The following ZNF385D variants were observed in gnomAD, a reference collection of about 807,000 sequenced individuals.
ZNF385D encodes zinc finger protein 385D.
Under a neutral mutation model 35.8 loss-of-function variants are expected in ZNF385D, and 15 were observed. The ratio of observed to expected loss-of-function variants is 0.42; its 90% CI spans 0.28 to 0.64. ZNF385D has a LOEUF of 0.64. Ranked by LOEUF, ZNF385D falls within the 30% of genes least tolerant of loss-of-function variation. ZNF385D has a pLI of 0.23. For synonymous variants in ZNF385D, 212 were observed against 186.8 expected, an observed-to-expected ratio of 1.13 and a Z score of -1.10; for missense variants, 474 against 494.6, an observed-to-expected ratio of 0.96 and a Z score of 0.39.
intron 3 of ZNF385D, among the ~76,000 whole-genome samples, chr3:21,882,611 G>A (rs1414983400): frequency 1.3e-5 from 2 of 151,892 alleles, no homozygotes; most frequent in African/African-American, 2.4e-5. Flanking sequence ...CAGAAGCTTG[G>A]GAAACATCCC....
chr3:21,999,770 CAA>C (rs577860632), intron 3 of ZNF385D, among the ~76,000 whole-genome samples: 2 of 49,266 alleles, frequency 4.1e-5, no homozygotes, highest in Admixed American at 1.5e-4. Context: ...CCCAGTCAGG[CAA>C]AAAAAAAAAA....
chr3:21,762,982 C>T (rs1273411392), intron 3 of ZNF385D, among the ~76,000 whole-genome samples: 1 of 152,170 alleles, frequency 6.6e-6, no homozygotes, highest in Admixed American at 6.5e-5. Context: ...GCATGCTAAT[C>T]TCCATCAGTG....
intron 3 of ZNF385D, among the ~76,000 whole-genome samples, chr3:21,822,366 C>T (rs1694309631): frequency 6.6e-6 from 1 of 152,144 alleles, no homozygotes; most frequent in Admixed American, 6.6e-5. Flanking sequence ...ATCACCGCGC[C>T]CAGCCTGGCT....
Position 22,305,640 on chromosome 3 carries a change from A to T in ZNF385D, c.106+66810T>A, listed in dbSNP as rs548888515. ...AACTCTTAAGAACTTGTGCCCAGAG[A>T]TGATAGAGATGATGCATGTCACTGC... On this transcript the variant is annotated intron_variant, in intron 2 of 5. Transcript: ENST00000494108. Among the ~76,000 whole-genome samples, 4 of 152,266 alleles carry T rather than the reference A, an allele frequency of 2.6e-5. No individual in the cohort carries two copies. The South Asian group carries it at 8.3e-4, about 32-fold the overall frequency.
intron 3 of ZNF385D, among the ~76,000 whole-genome samples, chr3:21,778,074 T>C (rs1379440746): frequency 6.6e-6 from 1 of 151,880 alleles, no homozygotes; most frequent in Non-Finnish European, 1.5e-5. Flanking sequence ...TAAACAGCAA[T>C]GGCAAACTAA....
chr3:21,609,140 AT>A (rs2064590426), intron 2 of ZNF385D, among the ~76,000 whole-genome samples: 1 of 152,198 alleles, frequency 6.6e-6, no homozygotes, highest in African/African-American at 2.4e-5. Context: ...CGAAGTAGGC[AT>A]TTTCAGAAGA....
At chr3:21,947,640 G>A (rs1388833374) in intron 3 of ZNF385D, among the ~76,000 whole-genome samples, 11 of 152,156 alleles carry the variant, frequency 7.2e-5, no homozygotes, top group Non-Finnish European at 1.5e-4. Flanking sequence ...GTGAGCCACC[G>A]CGCCCGGCTA....
chr3:21,801,718 C>T (rs1045801025), intron 3 of ZNF385D, among the ~76,000 whole-genome samples: 9 of 152,074 alleles, frequency 5.9e-5, no homozygotes, highest in African/African-American at 2.2e-4. Flanking sequence ...CCCTGGGTGC[C>T]CACAGAAACA....
At chr3:21,564,876 T>C (rs2063087544) in intron 2 of ZNF385D, among the ~76,000 whole-genome samples, 192 bp from the exon 3 acceptor site, 2 of 152,200 alleles carry the variant, frequency 1.3e-5, no homozygotes, top group Non-Finnish European at 2.9e-5. Context: ...CAAAGCTCAG[T>C]ATGATAAGGA....
intron 3 of ZNF385D, among the ~76,000 whole-genome samples, chr3:21,794,390 T>C (rs1300913252): frequency 6.6e-6 from 1 of 152,048 alleles, no homozygotes; most frequent in East Asian, 1.9e-4. Context: ...TGCCAGAGTG[T>C]CATTGAAACG....
At chr3:21,919,998 C>T (rs1372879275) in intron 3 of ZNF385D, among the ~76,000 whole-genome samples, 2 of 152,210 alleles carry the variant, frequency 1.3e-5, no homozygotes, top group Non-Finnish European at 2.9e-5. Flanking sequence ...GAATCATCAT[C>T]ACATTGCATT....
At chr3:21,565,289 G>C (rs1344984163) in intron 2 of ZNF385D, among the ~76,000 whole-genome samples, 2 of 152,008 alleles carry the variant, frequency 1.3e-5, no homozygotes, top group Non-Finnish European at 2.9e-5. Flanking sequence ...CAAGGGATTT[G>C]GGGCCAGATA....
rs1187359782 is a variant in ZNF385D, at chr3:21,419,429, A to G, written c.*1785T>C. The G allele has an allele frequency of 1.3e-5, 2 of 152,126 alleles. No homozygotes were observed. Among genetic ancestry groups the G allele is most frequent in the African/African-American group, 4.8e-5 (2 of 41,432 alleles). 9.4% of individuals were successfully genotyped at this position (152,126 alleles called of 1,614,324 possible). On this transcript the variant is annotated 3_prime_UTR_variant, in exon 8 of 8. Transcript: ENST00000281523. ...ATAAAATGATAAATGCTAAATACCTATGTCTCAAATGGTTTCCTCTTGATT... is the reference window on the plus strand; with the variant it reads ...ATAAAATGATAAATGCTAAATACCTGTGTCTCAAATGGTTTCCTCTTGATT...
At chr3:21,997,045 G>C (rs1407686826) in intron 3 of ZNF385D, among the ~76,000 whole-genome samples, 1 of 150,710 alleles carries the variant, frequency 6.6e-6, no homozygotes, top group Non-Finnish European at 1.5e-5. Context: ...CAAAGGAACA[G>C]TTTTAAAAAA....
At chr3:22,372,241 G>A (rs1005784996) in intron 2 of ZNF385D, among the ~76,000 whole-genome samples, 2 of 152,134 alleles carry the variant, frequency 1.3e-5, no homozygotes, top group Non-Finnish European at 2.9e-5. Context: ...TTGGCACCGA[G>A]AAGAGGCTGG....
chr3:21,954,433 G>A (rs1178472342), intron 3 of ZNF385D, among the ~76,000 whole-genome samples: 20 of 151,954 alleles, frequency 1.3e-4, no homozygotes, highest in Admixed American at 1.3e-3. Flanking sequence ...AGGCTCACAA[G>A]GATCTAAGGA....
chr3:22,023,990 T>C (rs1304385869), intron 3 of ZNF385D, among the ~76,000 whole-genome samples: 1 of 152,162 alleles, frequency 6.6e-6, no homozygotes, highest in Non-Finnish European at 1.5e-5. Context: ...CCCCTGGGTA[T>C]GTCTGTGAGG....
intron 6 of ZNF385D, among the ~76,000 whole-genome samples, chr3:21,424,287 TTA>T (rs1194110750): frequency 1.9e-4 from 20 of 106,878 alleles, no homozygotes; most frequent in Middle Eastern, 4.4e-3. Context: ...ATATATATAC[TTA>T]TATATATATA....
At chr3:21,723,532 T>A (rs2068627602) in intron 1 of ZNF385D, among the ~76,000 whole-genome samples, 1 of 152,078 alleles carries the variant, frequency 6.6e-6, no homozygotes, top group Admixed American at 6.5e-5. Flanking sequence ...GCCGAATTTA[T>A]CAAGCGAAAG....
Sources: allele counts gnomAD v4.1 joint callset (sites outside exome capture counted in the v4.1 genomes callset), GRCh38; gene constraint gnomAD v4.1.1; transcripts MANE v1.5; gene names NCBI Gene and HGNC (gene_info 2026-07-23, HGNC 2026-07-21).